The following SLC2A14 variants were observed in gnomAD, a reference collection of about 807,000 sequenced individuals.
SLC2A14 encodes solute carrier family 2 member 14.
In SLC2A14, 13 loss-of-function variants were observed where a neutral mutation model predicts 43.0. The ratio of observed to expected loss-of-function variants is 0.30; its 90% CI spans 0.20 to 0.48. The LOEUF (loss-of-function observed/expected upper bound fraction) is 0.48, where lower values mean the gene tolerates loss of function less well. SLC2A14 is among the 20% of genes least tolerant of loss of function. The pLI is 0.99. For synonymous variants in SLC2A14, 190 were observed against 233.8 expected, an observed-to-expected ratio of 0.81 and a Z score of 1.71; for missense variants, 428 against 620.4, an observed-to-expected ratio of 0.69 and a Z score of 3.29.
chr12:7,873,093 C>A, upstream of SLC2A14: 2 of 985,436 alleles, frequency 2.0e-6, no homozygotes, highest in East Asian at 1.1e-4. Flanking sequence ...GCGCACCGCA[C>A]GGTCCAGCCC....
chr12:7,876,338 C>T (rs1230679546), upstream of SLC2A14, among the ~76,000 whole-genome samples: 1 of 148,702 alleles, frequency 6.7e-6, no homozygotes, highest in Non-Finnish European at 1.5e-5. Flanking sequence ...CTGGATTTCT[C>T]CTTGTGAGGA....
At chr12:7,885,151 TC>T (rs766674122) in intron 1 of SLC2A14, among the ~76,000 whole-genome samples, 3 of 152,200 alleles carry the variant, frequency 2.0e-5, no homozygotes, top group Non-Finnish European at 4.4e-5. Flanking sequence ...AATTTTTTTT[TC>T]CAGCACCATA....
chr12:7,879,695 T>C (rs1945531990), intron 1 of SLC2A14, among the ~76,000 whole-genome samples: 2 of 149,570 alleles, frequency 1.3e-5, no homozygotes, highest in Admixed American at 1.3e-4. Flanking sequence ...AAAAAATAAA[T>C]AAAAAAAATA....
intron 2 of SLC2A14, among the ~76,000 whole-genome samples, chr12:7,867,293 A>AC (rs1417652678): frequency 2.4e-5 from 3 of 125,326 alleles, no homozygotes; most frequent in Admixed American, 8.0e-5. Flanking sequence ...AAAAAAAAAA[A>AC]AAAAAAACAA....
chr12:7,837,638 C>CTAAAAAAAAAAAA (rs1415686871), intron 2 of SLC2A14, among the ~76,000 whole-genome samples: 1 of 52,884 alleles, frequency 1.9e-5, no homozygotes, highest in African/African-American at 8.8e-5. Flanking sequence ...AACTTCGTCT[C>CTAAAAAAAAAAAA]AAAAAAAAAA....
chr12:7,846,765 G>A (rs1866503418), intron 2 of SLC2A14, among the ~76,000 whole-genome samples: 1 of 150,320 alleles, frequency 6.7e-6, no homozygotes, highest in Admixed American at 6.7e-5. Context: ...TGGAGTAGCT[G>A]GGATTACAAG....
intron 6 of SLC2A14, 95 bp from the exon 7 acceptor site, chr12:7,827,777 A>C (rs1454931491): frequency 9.9e-6 from 15 of 1,518,856 alleles, no homozygotes; most frequent in Non-Finnish European, 1.3e-5. Context: ...GCACGAGGTG[A>C]GGTGATGGGT....
At chr12:7,879,613 G>A (rs1945531001) in intron 1 of SLC2A14, among the ~76,000 whole-genome samples, 1 of 152,102 alleles carries the variant, frequency 6.6e-6, no homozygotes, top group African/African-American at 2.4e-5. Flanking sequence ...GAACCCTGGA[G>A]GTGGAGGTTG....
At chr12:7,818,168 C>T (rs1863639823) in intron 9 of SLC2A14, 134 bp from the exon 10 acceptor site, 4 of 804,284 alleles carry the variant, frequency 5.0e-6, no homozygotes, top group Non-Finnish European at 7.7e-6. Flanking sequence ...AATCAAAAGG[C>T]TTGGATTTAT....
chr12:7,843,408 C>T (rs1006257437), intron 2 of SLC2A14, among the ~76,000 whole-genome samples: 6 of 136,540 alleles, frequency 4.4e-5, no homozygotes, highest in South Asian at 2.6e-4. Context: ...GAAGGCTCCT[C>T]GGGCAGGGGA....
chr12:7,813,596 T>C lies in SLC2A14; in HGVS notation c.*720A>G, dbSNP rs1317323539. On this transcript the variant is annotated 3_prime_UTR_variant, in exon 11 of 11. Transcript: ENST00000431042. ...TTTCTGAGAAATCAAAGAGTTTCCA[T>C]CTGAAGGACAGAAATTGTTAAGAGG... 1 of 152,210 alleles carries C rather than the reference T, an allele frequency of 6.6e-6. No individual in the cohort carries two copies. The highest frequency in any genetic ancestry group is 1.5e-5 in the Non-Finnish European group (1 of 68,048). The allele number at this position is 152,210 out of a possible 1,614,324, so 9.4% of individuals were successfully genotyped here.
intron 2 of SLC2A14, among the ~76,000 whole-genome samples, chr12:7,837,082 G>A (rs776154657): frequency 4.7e-5 from 7 of 148,848 alleles, no homozygotes; most frequent in African/African-American, 1.5e-4. Flanking sequence ...CAAGAGAATC[G>A]CTTGAACCTG....
rs145703573 is a variant in SLC2A14 at position 7,882,591 on chromosome 12, G to A, written c.132+8405C>T. Among the ~76,000 whole-genome samples, 132 of 152,164 alleles carry A rather than the reference G, an allele frequency of 8.7e-4. 1 individual carries two copies. The highest frequency in any genetic ancestry group is 2.9e-3 in the African/African-American group (120 of 41,530). On this transcript the variant is annotated intron_variant, in intron 1 of 9. Coordinates refer to the SLC2A14 transcript ENST00000539924. The stretch of plus-strand genomic sequence containing the variant: ...CTCACACTTGTGATCTCAGCACTCT[G>A]GGAGGCTGAGGCAGGCACGTGGATC...
chr12:7,832,115 A>G (rs749553259), intron 3 of SLC2A14, among the ~76,000 whole-genome samples: 1 of 152,232 alleles, frequency 6.6e-6, no homozygotes, highest in African/African-American at 2.4e-5. Context: ...CTCAAAACAA[A>G]CAAACAAACA....
intron 1 of SLC2A14, chr12:7,871,056 T>G (rs887442471): frequency 2.1e-6 from 3 of 1,409,654 alleles, no homozygotes; most frequent in Non-Finnish European, 2.9e-6. Flanking sequence ...ACCCCATGGA[T>G]GAATACCTGC....
intron 2 of SLC2A14, among the ~76,000 whole-genome samples, chr12:7,842,465 A>C (rs906727380): frequency 1.3e-5 from 2 of 152,266 alleles, no homozygotes; most frequent in African/African-American, 4.8e-5. Context: ...AAGGCCGAGA[A>C]GCGGGAAAAG....
intron 2 of SLC2A14, among the ~76,000 whole-genome samples, chr12:7,858,154 T>C (rs1944353354): frequency 6.6e-6 from 1 of 151,922 alleles, no homozygotes; most frequent in South Asian, 2.1e-4. Flanking sequence ...AAAACAAAAT[T>C]TCTCCATTTC....
intron 1 of SLC2A14, among the ~76,000 whole-genome samples, chr12:7,882,867 G>A (rs1211099489): frequency 7.0e-6 from 1 of 143,170 alleles, no homozygotes; most frequent in East Asian, 2.0e-4. Flanking sequence ...TCACCACTTG[G>A]AAGTTGTTTC....
chr12:7,864,938 G>T (rs1354326899), intron 2 of SLC2A14, among the ~76,000 whole-genome samples: 1 of 152,012 alleles, frequency 6.6e-6, no homozygotes, highest in Non-Finnish European at 1.5e-5. Flanking sequence ...CAAATTTACC[G>T]TAAAGAGGCC....
Sources: gnomAD v4.1 joint callset for allele counts (sites outside exome capture counted in the v4.1 genomes callset) on GRCh38, gnomAD v4.1.1 for gene constraint, MANE v1.5 for transcripts, NCBI Gene and HGNC (gene_info 2026-07-23, HGNC 2026-07-21) for gene names.